The following UNC5C variants were observed in gnomAD, a reference collection of about 807,000 sequenced individuals.
The protein encoded by UNC5C is unc-5 netrin receptor C.
Under a neutral mutation model 99.8 loss-of-function variants are expected in UNC5C, and 47 were observed. The ratio of observed to expected loss-of-function variants is 0.47; its 90% CI spans 0.37 to 0.60. UNC5C has a LOEUF of 0.60. Ranked by LOEUF, UNC5C falls within the 20% of genes least tolerant of loss-of-function variation. UNC5C has a pLI of 0.00. For synonymous variants in UNC5C, 487 were observed against 452.2 expected (o/e 1.08, Z -0.98); for missense variants, 1,062 against 1,165.9 (o/e 0.91, Z 1.30).
intron 12 of UNC5C, among the ~76,000 whole-genome samples, chr4:95,188,275 C>T (rs1396218991): frequency 7.2e-5 from 11 of 152,188 alleles, no homozygotes; most frequent in South Asian, 4.1e-4. Context: ...CACCCCTTCC[C>T]GCAAAGTGGC....
intron 2 of UNC5C, among the ~76,000 whole-genome samples, chr4:95,320,666 A>G (rs1742655687): frequency 6.6e-6 from 1 of 152,150 alleles, no homozygotes; most frequent in African/African-American, 2.4e-5. Flanking sequence ...CCGTTTCAGT[A>G]GCATGTTATC....
chr4:95,385,113 G>A (rs1037520868), intron 1 of UNC5C, among the ~76,000 whole-genome samples: 1 of 152,084 alleles, frequency 6.6e-6, no homozygotes, highest in Non-Finnish European at 1.5e-5. Context: ...GAACAATTAT[G>A]GGCACCCTGT....
intron 1 of UNC5C, among the ~76,000 whole-genome samples, chr4:95,360,609 T>C (rs1744360474): frequency 6.6e-6 from 1 of 152,210 alleles, no homozygotes; most frequent in African/African-American, 2.4e-5. Flanking sequence ...TTTTATCCAT[T>C]GATAGTGTGC....
At chr4:95,267,809 A>AT (rs777030862) in intron 4 of UNC5C, among the ~76,000 whole-genome samples, 6 of 151,882 alleles carry the variant, frequency 4.0e-5, no homozygotes, top group South Asian at 4.2e-4. Flanking sequence ...AAAAAAAATC[A>AT]TTTTTTCCCC....
In UNC5C at chr4:95,170,182, T is replaced by C; in HGVS notation, c.2602A>G (p.Met868Val). ...APQTRGHDWR[M>V]LAHKLNLDRY... Reference sequence around the variant, plus strand: ...TCCAGGTTCAGCTTATGGGCCAGCATCCTCCAGTCATGGCCTCTCGTCTGG... The same window carrying C: ...TCCAGGTTCAGCTTATGGGCCAGCACCCTCCAGTCATGGCCTCTCGTCTGG... The change falls in exon 15 of 16, where the codon ATG becomes GTG. Residue 868 changes from methionine (M) to valine (V), a missense_variant. Transcript: ENST00000453304. 6.2e-7 allele frequency: 1 copy of C among 1,614,132 alleles called. No homozygotes were observed. The highest frequency in any genetic ancestry group is 2.2e-5 in the East Asian group (1 of 44,860).
At chr4:95,420,506 T>C (rs1391222717) in intron 1 of UNC5C, among the ~76,000 whole-genome samples, 1 of 152,238 alleles carries the variant, frequency 6.6e-6, no homozygotes, top group Non-Finnish European at 1.5e-5. Flanking sequence ...TATGCAACTA[T>C]GTTTTATTGA....
chr4:95,215,065 C>G (rs549403446), intron 10 of UNC5C, among the ~76,000 whole-genome samples: 1 of 152,298 alleles, frequency 6.6e-6, no homozygotes, highest in Non-Finnish European at 1.5e-5. Flanking sequence ...AAAAAATGTT[C>G]TGGGTCACAC....
chr4:95,195,282 G>A (rs536575426), intron 12 of UNC5C, among the ~76,000 whole-genome samples: 4 of 152,260 alleles, frequency 2.6e-5, no homozygotes, highest in East Asian at 1.9e-4. Flanking sequence ...AGCCAGTCAC[G>A]GCAGCCAGCC....
chr4:95,238,075 C>T (rs1579256892), intron 7 of UNC5C, among the ~76,000 whole-genome samples: 4 of 152,056 alleles, frequency 2.6e-5, no homozygotes, highest in South Asian at 4.1e-4. Flanking sequence ...TACCTACATA[C>T]TCAACAATAC....
At chr4:95,413,418 T>C (rs1234977173) in intron 1 of UNC5C, among the ~76,000 whole-genome samples, 1 of 152,164 alleles carries the variant, frequency 6.6e-6, no homozygotes, top group Non-Finnish European at 1.5e-5. Context: ...AGCAATCTCC[T>C]ACAGAAGGCC....
chr4:95,200,251 C>T (rs1737603841), intron 12 of UNC5C, among the ~76,000 whole-genome samples: 1 of 152,200 alleles, frequency 6.6e-6, no homozygotes, highest in African/African-American at 2.4e-5. Context: ...ACTTTCTTTC[C>T]TTGGCTTCCT....
chr4:95,400,156 G>A (rs893696986), intron 1 of UNC5C, among the ~76,000 whole-genome samples: 3 of 152,104 alleles, frequency 2.0e-5, no homozygotes, highest in South Asian at 2.1e-4. Flanking sequence ...CTCTCTTTGC[G>A]TGCAGAAGGA....
Position 95,448,237 on chromosome 4 carries a change from A to T in UNC5C, c.124+100497T>A, listed in dbSNP as rs1174058301. Among the ~76,000 whole-genome samples the T allele has an allele frequency of 1.6e-3, 237 of 146,522 alleles. 1 individual carries two copies. Among genetic ancestry groups the T allele is most frequent in the African/African-American group, 5.4e-3 (217 of 40,112 alleles). On this transcript the variant is annotated intron_variant, in intron 1 of 15. Transcript: ENST00000453304. ...GTGTGTGTGTGTGTGTGAGAGAGAG[A>T]GAGAGAGAGAGAGAGAGAGAGAGAG...
At position 95,347,643 on chromosome 4, in the gene UNC5C, CAT is replaced by C. The variant is rs148648271; in HGVS notation, c.125-12014_125-12013del. ...ATTCATTTTTGCCAAGGGTGCCAGA[CAT>C]ATACACTGGAAAAAGGACAGTCTCT... On this transcript the variant is annotated intron_variant, in intron 1 of 15. Coordinates refer to ENST00000453304, the MANE Select transcript of UNC5C (RefSeq NM_003728.4). Among the ~76,000 whole-genome samples the C allele has an allele frequency of 4.9e-3, 740 of 152,010 alleles. 5 individuals carry two copies. Among genetic ancestry groups the C allele is most frequent in the African/African-American group, 0.017 (709 of 41,536 alleles).
At chr4:95,342,331 T>C (rs1743610385) in intron 1 of UNC5C, among the ~76,000 whole-genome samples, 2 of 151,850 alleles carry the variant, frequency 1.3e-5, no homozygotes, top group Admixed American at 1.3e-4. Flanking sequence ...TCAGCCACGG[T>C]AGGATAGGGT....
chr4:95,532,224 A>G (rs1031105302), intron 1 of UNC5C, among the ~76,000 whole-genome samples: 2 of 152,092 alleles, frequency 1.3e-5, no homozygotes, highest in African/African-American at 4.8e-5. Flanking sequence ...GGGTGAGGAG[A>G]TTGGCCTTTT....
intron 14 of UNC5C, among the ~76,000 whole-genome samples, chr4:95,176,555 AGG>A: frequency 6.6e-6 from 1 of 151,074 alleles, no homozygotes; most frequent in African/African-American, 2.5e-5. Flanking sequence ...TAGGCTGCTC[AGG>A]GGTAGGGGTC....
chr4:95,310,910 T>C (rs1241585451), intron 2 of UNC5C, among the ~76,000 whole-genome samples: 1 of 152,154 alleles, frequency 6.6e-6, no homozygotes, highest in African/African-American at 2.4e-5. Context: ...CAATATTACA[T>C]AGAATGAAAA....
At chr4:95,247,256 GAT>G (rs1560751722) in intron 5 of UNC5C, among the ~76,000 whole-genome samples, 1 of 151,920 alleles carries the variant, frequency 6.6e-6, no homozygotes, top group Non-Finnish European at 1.5e-5. Context: ...ATACTGGTTA[GAT>G]ATATATGTTT....
Sources: gnomAD v4.1 joint callset for allele counts (sites outside exome capture counted in the v4.1 genomes callset) on GRCh38, gnomAD v4.1.1 for gene constraint, MANE v1.5 for transcripts, NCBI Gene and HGNC (gene_info 2026-07-23, HGNC 2026-07-21) for gene names.